Variants in TENM2 observed in about 807,000 individuals in gnomAD.
TENM2 encodes the protein teneurin transmembrane protein 2.
In TENM2, 52 loss-of-function variants were observed where a neutral mutation model predicts 245.2. That is an observed-to-expected ratio of 0.21 (90% CI 0.17 to 0.27). The LOEUF (loss-of-function observed/expected upper bound fraction) is 0.27, where lower values mean the gene tolerates loss of function less well. TENM2 is among the 10% of genes least tolerant of loss of function. The probability of loss-of-function intolerance (pLI) is 1.00; values close to 1 mark genes in which losing one functional copy is unlikely to be tolerated. For synonymous variants in TENM2, 1,363 were observed against 1,438.9 expected, an observed-to-expected ratio of 0.95 and a Z score of 1.19; for missense variants, 3,046 against 3,666.8, an observed-to-expected ratio of 0.83 and a Z score of 4.37.
At chr5:167,318,299 G>T (rs1756493525) in intron 1 of TENM2, among the ~76,000 whole-genome samples, 1 of 152,112 alleles carries the variant, frequency 6.6e-6, no homozygotes, top group Non-Finnish European at 1.5e-5. Flanking sequence ...TTTCAGAATA[G>T]GGAAGTCTTT....
At chr5:167,485,313 T>C (rs1561994099) in intron 2 of TENM2, among the ~76,000 whole-genome samples, 1 of 152,172 alleles carries the variant, frequency 6.6e-6, no homozygotes, top group Non-Finnish European at 1.5e-5. Context: ...TTGAGAAACA[T>C]AAAAACAGAC....
intron 3 of TENM2, among the ~76,000 whole-genome samples, chr5:167,877,582 G>C: frequency 6.6e-6 from 1 of 152,178 alleles, no homozygotes. Context: ...ATTTGGAGAA[G>C]AGACATCAAT....
the TENM2 span, among the ~76,000 whole-genome samples, chr5:167,118,657 G>A: frequency 1.3e-5 from 2 of 152,196 alleles, no homozygotes; most frequent in Admixed American, 6.5e-5. Context: ...AAGAAAGAGA[G>A]TTGCTTCTTG....
At chr5:167,426,873 C>G (rs1763857208) in intron 2 of TENM2, among the ~76,000 whole-genome samples, 2 of 152,012 alleles carry the variant, frequency 1.3e-5, no homozygotes, top group Admixed American at 6.6e-5. Flanking sequence ...TTGATCATCT[C>G]AAACATTATT....
At chr5:168,204,458 C>G (rs777748749) in exon 19 of TENM2, 4 of 1,614,002 alleles carry the variant, frequency 2.5e-6, no homozygotes, top group South Asian at 2.2e-5. Context: ...TGGTCGCCGC[C>G]GGAGCATTTC....
chr5:167,026,826 G>T, the TENM2 span, among the ~76,000 whole-genome samples: 2 of 152,174 alleles, frequency 1.3e-5, no homozygotes. Context: ...AAGCCCAAAG[G>T]ACAAGCCACA....
chr5:167,331,278 A>T (rs1170050084), intron 1 of TENM2, among the ~76,000 whole-genome samples: 1 of 151,818 alleles, frequency 6.6e-6, no homozygotes, highest in Non-Finnish European at 1.5e-5. Flanking sequence ...AAGAAAGGAA[A>T]AAAGAGAAGT....
chr5:167,096,688 C>CAGTATTT, the TENM2 span, among the ~76,000 whole-genome samples: 2 of 152,220 alleles, frequency 1.3e-5, no homozygotes, highest in African/African-American at 4.8e-5. Flanking sequence ...CTCAGTTGTT[C>CAGTATTT]CTCTATTGAG....
chr5:167,243,239 A>G, the TENM2 span, among the ~76,000 whole-genome samples: 1 of 152,122 alleles, frequency 6.6e-6, no homozygotes, highest in South Asian at 2.1e-4. Flanking sequence ...AATTTCTGGG[A>G]AATTTAAGGC....
At chr5:167,789,258 T>C (rs536362020) in intron 2 of TENM2, among the ~76,000 whole-genome samples, 2 of 152,288 alleles carry the variant, frequency 1.3e-5, no homozygotes, top group South Asian at 2.1e-4. Context: ...GATATGGAAG[T>C]AAAAGTAGGG....
intron 25 of TENM2, among the ~76,000 whole-genome samples, chr5:168,236,988 A>T (rs1292856618): frequency 2.3e-3 from 8 of 3,440 alleles, no homozygotes; most frequent in Non-Finnish European, 3.0e-3. Flanking sequence ...ATATATATAT[A>T]TATATATATA....
At chr5:167,091,530 T>A in the TENM2 span, among the ~76,000 whole-genome samples, 2 of 152,320 alleles carry the variant, frequency 1.3e-5, no homozygotes, top group South Asian at 2.1e-4. Flanking sequence ...GCATTGCTGG[T>A]AAAGAGTTGG....
At chr5:167,918,445 T>TA (rs1472467396) in intron 3 of TENM2, among the ~76,000 whole-genome samples, 1 of 152,190 alleles carries the variant, frequency 6.6e-6, no homozygotes, top group Non-Finnish European at 1.5e-5. Flanking sequence ...CGTCTCCCTA[T>TA]AAGCTCTTAC....
intron 1 of TENM2, among the ~76,000 whole-genome samples, chr5:167,307,508 G>A (rs2127747121): frequency 6.6e-6 from 1 of 152,238 alleles, no homozygotes; most frequent in East Asian, 1.9e-4. Context: ...CCGAATATCA[G>A]AACCGAACAA....
intron 3 of TENM2, among the ~76,000 whole-genome samples, chr5:167,898,873 G>A (rs1276588794): frequency 6.6e-6 from 1 of 152,110 alleles, no homozygotes; most frequent in Non-Finnish European, 1.5e-5. Context: ...GGATTGGGAG[G>A]GAAGGAGATC....
the TENM2 span, among the ~76,000 whole-genome samples, chr5:167,272,207 A>T: frequency 6.6e-6 from 1 of 152,092 alleles, no homozygotes; most frequent in African/African-American, 2.4e-5. Flanking sequence ...TCCAATTGGT[A>T]CTTTAAATAT....
At chr5:167,009,231 C>T in the TENM2 span, among the ~76,000 whole-genome samples, 17 of 152,292 alleles carry the variant, frequency 1.1e-4, no homozygotes, top group East Asian at 2.5e-3. Flanking sequence ...CCCCTACACA[C>T]GCACACATAT....
At chr5:167,949,496 C>T (rs1369025628) in intron 3 of TENM2, among the ~76,000 whole-genome samples, 5 of 152,130 alleles carry the variant, frequency 3.3e-5, no homozygotes, top group African/African-American at 1.2e-4. Context: ...CCTGAAAGAA[C>T]CCATCACTGT....
chr5:167,230,475 G>T, the TENM2 span, among the ~76,000 whole-genome samples: 1 of 152,012 alleles, frequency 6.6e-6, no homozygotes, highest in South Asian at 2.1e-4. Flanking sequence ...TCACTATTTT[G>T]GTTCTTCTTA....
Sources: gnomAD v4.1 joint callset for allele counts (sites outside exome capture counted in the v4.1 genomes callset) on GRCh38, gnomAD v4.1.1 for gene constraint, MANE v1.5 for transcripts, NCBI Gene and HGNC (gene_info 2026-07-23, HGNC 2026-07-21) for gene names.